CANX: variants seen among roughly 807,000 people sequenced by gnomAD.
CANX encodes the protein calnexin, also known as epididymis secretory sperm binding protein.
Under a neutral mutation model 75.7 loss-of-function variants are expected in CANX, and 14 were observed. That is an observed-to-expected ratio of 0.19 (90% CI 0.12 to 0.29). CANX has a LOEUF of 0.29. Ranked by LOEUF, CANX falls within the 10% of genes least tolerant of loss-of-function variation. CANX has a pLI of 1.00. For missense variants in CANX, 567 were observed against 713.2 expected (o/e 0.79, Z 2.34); for synonymous variants, 227 against 236.9 (o/e 0.96, Z 0.38).
intron 1 of CANX, among the ~76,000 whole-genome samples, chr5:179,690,887 A>T (rs1035665877): frequency 8.8e-5 from 13 of 148,502 alleles, no homozygotes; most frequent in Middle Eastern, 3.5e-3. Flanking sequence ...AGACTCTCTC[A>T]AAAAAAAAAA....
At chr5:179,688,492 T>C (rs562013873) in intron 1 of CANX, among the ~76,000 whole-genome samples, 5 of 149,708 alleles carry the variant, frequency 3.3e-5, no homozygotes, top group South Asian at 2.1e-4. Flanking sequence ...GCCTGCCAAC[T>C]AGCTGGGAAT....
In CANX at chr5:179,722,946, C is replaced by T; in HGVS notation, c.1325C>T (p.Ala442Val). The T allele has an allele frequency of 6.2e-7, 1 of 1,614,086 alleles. No homozygotes were observed. The highest frequency in any genetic ancestry group is 1.6e-4 in the Middle Eastern group (1 of 6,062). ...TTTTTTGACAACTTTATCATTTGTG[C>T]TGATCGAAGAATAGTTGATGATTGG... ...DIFFDNFIIC[A>V]DRRIVDDWAN... Residue 442 changes from alanine to valine, a missense_variant, in exon 11 of 15, where the codon GCT becomes GTT. Ala to Val is a moderately conservative substitution (Grantham distance 64, BLOSUM62 0). Coordinates refer to ENST00000247461, the MANE Select transcript of CANX (RefSeq NM_001746.4).
At chr5:179,692,144 G>A (rs1401838183) in intron 1 of CANX, among the ~76,000 whole-genome samples, 1 of 141,518 alleles carries the variant, frequency 7.1e-6, no homozygotes, top group South Asian at 2.3e-4. Flanking sequence ...GTGCGATCTC[G>A]GCTCACTGCA....
At chr5:179,699,883 A>G (rs1490722741) in intron 1 of CANX, 1 of 152,090 alleles carries the variant, frequency 6.6e-6, no homozygotes, top group African/African-American at 2.4e-5. Context: ...CGAGTCTTTG[A>G]TTGGTCATTG....
chr5:179,695,391 G>A (rs1445667659), upstream of CANX, among the ~76,000 whole-genome samples: 2 of 151,506 alleles, frequency 1.3e-5, no homozygotes, highest in Non-Finnish European at 2.9e-5. Context: ...GTGCAATGGC[G>A]CAATCTCAGC....
At chr5:179,703,635 A>G (rs1439177707) in intron 1 of CANX, among the ~76,000 whole-genome samples, 1 of 151,314 alleles carries the variant, frequency 6.6e-6, no homozygotes, top group Non-Finnish European at 1.5e-5. Context: ...TTGTAGAGAC[A>G]GGATAATTTT....
intron 1 of CANX, chr5:179,680,907 G>A (rs1776047400): frequency 1.3e-6 from 2 of 1,536,674 alleles, no homozygotes; most frequent in Admixed American, 3.9e-5. Flanking sequence ...GATGGTCTCT[G>A]GAAGCCCACA....
At chr5:179,695,059 T>C (rs1245940953), upstream of CANX, among the ~76,000 whole-genome samples, 1 of 135,906 alleles carries the variant, frequency 7.4e-6, no homozygotes, top group Non-Finnish European at 1.6e-5. Flanking sequence ...CATTTATTTA[T>C]TTATTTTTGA....
intron 1 of CANX, among the ~76,000 whole-genome samples, chr5:179,701,234 T>G (rs4701197): frequency 0.76 from 115,456 of 151,938 alleles, 45,218 homozygotes; most frequent in Non-Finnish European, 0.86. Context: ...TCTCCTGGGT[T>G]CCTCACCTTT....
intron 7 of CANX, among the ~76,000 whole-genome samples, chr5:179,713,737 G>C (rs1190199589): frequency 1.4e-5 from 2 of 142,370 alleles, no homozygotes; most frequent in Non-Finnish European, 3.1e-5. Flanking sequence ...GGGCAGCATA[G>C]TGAGACCTTG....
At chr5:179,708,207 A>G (rs1042628851) in intron 4 of CANX, 32 bp from the exon 5 acceptor site, 2 of 1,603,700 alleles carry the variant, frequency 1.2e-6, no homozygotes, top group Non-Finnish European at 8.5e-7. Flanking sequence ...AGGTAGAGTT[A>G]AGCAGTGGAA....
chr5:179,724,615 C>T (rs1304697498), intron 12 of CANX, 42 bp from the exon 13 acceptor site: 1 of 1,567,308 alleles, frequency 6.4e-7, no homozygotes. Context: ...TAACATAATA[C>T]ATGAACATGT....
At chr5:179,721,677 C>T (rs1359582626) in intron 10 of CANX, among the ~76,000 whole-genome samples, 1 of 152,062 alleles carries the variant, frequency 6.6e-6, no homozygotes, top group Admixed American at 6.6e-5. Context: ...AGGCTTTAGG[C>T]CTCATGCAAA....
At position 179,731,100 on chromosome 5, in the gene CANX, T is replaced by C. The variant is rs1246341933; in HGVS notation, c.*2456T>C. Reference sequence around the variant, plus strand: ...TCACCACGTGAGTTTGATGCAGTCTTTTCTGTCTAGCCCTTGCCTCTTCCT... The same window carrying C: ...TCACCACGTGAGTTTGATGCAGTCTCTTCTGTCTAGCCCTTGCCTCTTCCT... On this transcript the variant is annotated 3_prime_UTR_variant, in exon 15 of 15. Transcript: ENST00000247461. Among the ~76,000 whole-genome samples, 2 of 152,218 alleles carry C rather than the reference T, an allele frequency of 1.3e-5. No homozygotes were observed. Among genetic ancestry groups the C allele is most frequent in the Admixed American group, 6.5e-5 (1 of 15,282 alleles).
intron 7 of CANX, among the ~76,000 whole-genome samples, chr5:179,710,606 G>A (rs1179372656): frequency 6.7e-6 from 1 of 148,710 alleles, no homozygotes; most frequent in Admixed American, 6.9e-5. Context: ...TACTTGGGAG[G>A]CTGAGGCAGG....
At chr5:179,697,333 A>G (rs557394379), upstream of CANX, among the ~76,000 whole-genome samples, 6 of 152,298 alleles carry the variant, frequency 3.9e-5, no homozygotes, top group Admixed American at 3.3e-4. Context: ...CAAAGTGCTC[A>G]GATCACAGGG....
intron 3 of CANX, among the ~76,000 whole-genome samples, chr5:179,706,629 A>G (rs1017142962): frequency 6.6e-6 from 1 of 151,706 alleles, no homozygotes; most frequent in Non-Finnish European, 1.5e-5. Context: ...GTGTGTTGTT[A>G]TTTTTTTAGT....
intron 1 of CANX, among the ~76,000 whole-genome samples, chr5:179,685,368 C>G (rs1000422582): frequency 2.0e-5 from 3 of 151,122 alleles, no homozygotes; most frequent in African/African-American, 2.4e-5. Flanking sequence ...TCCACCTCAG[C>G]CTCCCGTGTA....
chr5:179,726,026 C>T (rs1188831119), intron 13 of CANX, among the ~76,000 whole-genome samples: 1 of 151,630 alleles, frequency 6.6e-6, no homozygotes, highest in South Asian at 2.1e-4. Flanking sequence ...AGGTGGCTCA[C>T]GCCTATAATC....
Sources: gnomAD v4.1 joint callset for allele counts (sites outside exome capture counted in the v4.1 genomes callset) on GRCh38, gnomAD v4.1.1 for gene constraint, MANE v1.5 for transcripts, NCBI Gene and HGNC (gene_info 2026-07-23, HGNC 2026-07-21) for gene names.